Variants in SUPT20H observed in about 807,000 individuals in gnomAD.
The protein encoded by SUPT20H is SPT20 homolog, SAGA complex component.
Under a neutral mutation model 122.8 loss-of-function variants are expected in SUPT20H, and 82 were observed. That is an observed-to-expected ratio of 0.67 (90% confidence interval 0.56 to 0.80). SUPT20H has a LOEUF of 0.80. Among genes scored for constraint, SUPT20H ranks in the 30% least tolerant of loss-of-function variants. SUPT20H has a pLI of 0.00. For missense variants in SUPT20H, 831 were observed against 921.6 expected (o/e 0.90, Z 1.27); for synonymous variants, 291 against 313.0 (o/e 0.93, Z 0.74).
In SUPT20H at chr13:37,025,446, T is replaced by C. The variant is rs772878765; in HGVS notation, c.1212-9A>G. The C allele has an allele frequency of 1.3e-6, 2 of 1,594,340 alleles. No individual in the cohort carries two copies. Among genetic ancestry groups the C allele is most frequent in the Non-Finnish European group, 8.6e-7 (1 of 1,163,566 alleles). ...GGTACTGATTGACTACCCTAAAATA[T>C]CAGGAGAAAACAGGTAAAGATTAGA... On this transcript the variant is annotated splice_polypyrimidine_tract_variant and intron_variant, in intron 16 of 25. Coordinates refer to ENST00000350612, the MANE Select transcript of SUPT20H (RefSeq NM_001014286.3).
At chr13:37,040,329 A>C in intron 9 of SUPT20H, 76 bp downstream of exon 9, 1 of 1,264,884 alleles carries the variant, frequency 7.9e-7, no homozygotes, top group Non-Finnish European at 1.1e-6. Context: ...ATAAGCAGAA[A>C]ATCACTTTTG....
At chr13:37,018,942 T>A (rs1416144916) in intron 22 of SUPT20H, among the ~76,000 whole-genome samples, 1 of 152,196 alleles carries the variant, frequency 6.6e-6, no homozygotes, top group Non-Finnish European at 1.5e-5. Flanking sequence ...AGCAACCATG[T>A]ACGGCCCACA....
At chr13:37,049,841 T>G (rs1195465147) in intron 2 of SUPT20H, among the ~76,000 whole-genome samples, 1 of 152,222 alleles carries the variant, frequency 6.6e-6, no homozygotes, top group Non-Finnish European at 1.5e-5. Context: ...TTCATAATGA[T>G]AGTCATTTTT....
intron 9 of SUPT20H, among the ~76,000 whole-genome samples, chr13:37,037,865 TTAA>T (rs1439418658): frequency 4.6e-5 from 7 of 152,328 alleles, no homozygotes; most frequent in Admixed American, 4.6e-4. Flanking sequence ...AGTGAATCAA[TTAA>T]TAATATTGCT....
chr13:37,018,135 T>A (rs951035429), intron 22 of SUPT20H, among the ~76,000 whole-genome samples: 40 of 151,432 alleles, frequency 2.6e-4, no homozygotes, highest in African/African-American at 7.8e-4. Flanking sequence ...AAAAAAAAAA[T>A]AAAAAATCCT....
chr13:37,023,574 T>C (rs2061707056), intron 19 of SUPT20H: 1 of 152,766 alleles, frequency 6.5e-6, no homozygotes, highest in African/African-American at 2.4e-5. Context: ...ATATTGTTTT[T>C]CAGTTTATTG....
chr13:37,035,355 G>A (rs1272439872), intron 9 of SUPT20H, among the ~76,000 whole-genome samples: 1 of 152,114 alleles, frequency 6.6e-6, no homozygotes, highest in Admixed American at 6.5e-5. Context: ...CAACCTTCAT[G>A]GATGACTCCA....
At chr13:37,012,761 A>G (rs926967991) in intron 23 of SUPT20H, 17 of 152,592 alleles carry the variant, frequency 1.1e-4, no homozygotes, top group Admixed American at 4.6e-4. Context: ...AACAGCTCCT[A>G]GAAGTAGTAA....
intron 1 of SUPT20H, among the ~76,000 whole-genome samples, chr13:37,058,775 G>A (rs563597244): frequency 8.6e-5 from 13 of 151,970 alleles, no homozygotes; most frequent in African/African-American, 2.9e-4. Context: ...TAATCAAACC[G>A]GCATCTGTTT....
intron 2 of SUPT20H, among the ~76,000 whole-genome samples, chr13:37,049,805 A>T (rs2097922923): frequency 2.6e-5 from 4 of 152,136 alleles, no homozygotes; most frequent in Non-Finnish European, 5.9e-5. Context: ...TTTTCTTTCT[A>T]GTTTTCTGTT....
rs1555266684 is a variant in SUPT20H, at chr13:37,017,296, T to C, written c.1941A>G (p.Pro647=). ...AAGTTGTGGGCTGCTGAGGTTGTTG[T>C]GGTGTAAACTGGGAGAGCTGCTGTT... ...QQQQQLSQFT[P]QQPQQPTTCS... is the part of the protein sequence containing the mutation. Residue 647 remains proline (P), a synonymous_variant, in exon 23 of 26, where the codon CCA becomes CCG. Coordinates refer to ENST00000350612, the MANE Select transcript of SUPT20H (RefSeq NM_001014286.3). 6.2e-6 allele frequency: 10 copies of C among 1,614,140 alleles called. No homozygotes were observed. In the South Asian group the frequency reaches 9.9e-5, roughly 16 times the overall value.
chr13:37,034,274 C>G (rs2138227008), intron 9 of SUPT20H, among the ~76,000 whole-genome samples: 1 of 152,182 alleles, frequency 6.6e-6, no homozygotes. Context: ...GCCTATGGTA[C>G]CAGACAGTTA....
At chr13:37,037,552 G>C (rs1045679410) in intron 9 of SUPT20H, among the ~76,000 whole-genome samples, 1 of 152,168 alleles carries the variant, frequency 6.6e-6, no homozygotes, top group African/African-American at 2.4e-5. Context: ...GATGTGTTAG[G>C]CACCTTTCCA....
At position 37,022,047 on chromosome 13, in the gene SUPT20H, G is replaced by T; in HGVS notation, c.1625C>A (p.Ala542Asp). 1 of 1,613,318 alleles carries T rather than the reference G, an allele frequency of 6.2e-7. No individual in the cohort carries two copies. Among genetic ancestry groups the T allele is most frequent in the Non-Finnish European group, 8.5e-7 (1 of 1,179,534 alleles). The change falls in exon 20 of 26, where the codon GCT becomes GAT. Residue 542 changes from alanine to aspartate, a missense_variant. Transcript: ENST00000350612. The surrounding 1 kb of genome is among the most constrained non-coding windows in gnomAD (Gnocchi z 4.5). ...CACTACATTGATGAAGTTAAGTCCA[G>T]CAGAGTTTGCCATGACCTGGGTGGC... ...TTATQVMANS[A>D]GLNFINVVGS...
At chr13:37,024,001 G>T (rs753327792) in intron 19 of SUPT20H, 34 bp downstream of exon 19, 1 of 1,579,888 alleles carries the variant, frequency 6.3e-7, no homozygotes, top group Non-Finnish European at 8.6e-7. Flanking sequence ...AAAAGCTTAT[G>T]AAGATTTAAT....
At chr13:37,042,526 G>A (rs1336452587) in intron 7 of SUPT20H, among the ~76,000 whole-genome samples, 1 of 152,178 alleles carries the variant, frequency 6.6e-6, no homozygotes, top group African/African-American at 2.4e-5. Flanking sequence ...ATTAGAGAAA[G>A]CAGAGGAAAA....
intron 7 of SUPT20H, 40 bp downstream of exon 7, chr13:37,044,038 T>C (rs760691926): frequency 1.4e-5 from 19 of 1,325,280 alleles, no homozygotes; most frequent in South Asian, 7.4e-5. Context: ...CATATACATA[T>C]AACAAATATA....
chr13:37,012,340 C>G (rs778824182), intron 23 of SUPT20H, 43 bp from the exon 24 acceptor site: 1 of 1,486,760 alleles, frequency 6.7e-7, no homozygotes, highest in South Asian at 1.2e-5. Context: ...GAAAGAAAAA[C>G]AAATTTGAGC....
intron 15 of SUPT20H, 57 bp downstream of exon 15, chr13:37,026,733 A>T: frequency 2.9e-6 from 3 of 1,029,966 alleles, no homozygotes; most frequent in Non-Finnish European, 2.7e-6. Flanking sequence ...GTCTTTTTAA[A>T]GAGTTTGATA....
Sources: allele counts gnomAD v4.1 joint callset (sites outside exome capture counted in the v4.1 genomes callset), GRCh38; gene constraint gnomAD v4.1.1; non-coding constraint Gnocchi (gnomAD v3.1); transcripts MANE v1.5; gene names NCBI Gene and HGNC (gene_info 2026-07-23, HGNC 2026-07-21).